PCDHA12: variants seen among roughly 807,000 people sequenced by gnomAD.
PCDHA12 encodes protocadherin alpha 12, also known as protocadherin alpha-12.
Under a neutral mutation model 60.0 loss-of-function variants are expected in PCDHA12, and 44 were observed. The ratio of observed to expected loss-of-function variants is 0.73; its 90% CI spans 0.58 to 0.94. PCDHA12 has a LOEUF of 0.94. PCDHA12 is among the 40% of genes least tolerant of loss of function. The pLI, the probability that PCDHA12 is intolerant of heterozygous loss-of-function variation, is 0.00. For missense variants in PCDHA12, 1,276 were observed against 1,239.7 expected, an observed-to-expected ratio of 1.03 and a Z score of -0.44; for synonymous variants, 569 against 553.0, an observed-to-expected ratio of 1.03 and a Z score of -0.40.
intron 1 of PCDHA12, among the ~76,000 whole-genome samples, chr5:140,909,449 A>G (rs1301796561): frequency 1.3e-5 from 2 of 152,218 alleles, no homozygotes; most frequent in African/African-American, 4.8e-5. Flanking sequence ...GTCATTCTCC[A>G]AGATCCATCT....
At chr5:140,929,122 G>A (rs782041922) in intron 1 of PCDHA12, 24 of 1,614,096 alleles carry the variant, frequency 1.5e-5, no homozygotes, top group Non-Finnish European at 1.8e-5. Flanking sequence ...CACCATAGAT[G>A]TCACTACAGT....
chr5:141,002,917 T>C (rs572461368), intron 3 of PCDHA12, among the ~76,000 whole-genome samples: 1 of 152,310 alleles, frequency 6.6e-6, no homozygotes, highest in East Asian at 1.9e-4. Context: ...ATCAGAAAAG[T>C]GAACACCCTC....
At chr5:140,972,729 T>G (rs574244702) in intron 1 of PCDHA12, among the ~76,000 whole-genome samples, 47 of 147,600 alleles carry the variant, frequency 3.2e-4, no homozygotes, top group African/African-American at 1.1e-3. Context: ...AGTGGCGTAA[T>G]CCCGGCTCAC....
At chr5:140,932,066 G>C (rs1196454003) in intron 1 of PCDHA12, among the ~76,000 whole-genome samples, 1 of 151,752 alleles carries the variant, frequency 6.6e-6, no homozygotes, top group Non-Finnish European at 1.5e-5. Flanking sequence ...AAAATTATCA[G>C]TTTAAGAAAT....
chr5:140,882,120 C>G, intron 1 of PCDHA12: 4 of 1,448,936 alleles, frequency 2.8e-6, no homozygotes. Flanking sequence ...GCCGCCGTTT[C>G]TTTCTTCCTG....
chr5:140,977,464 T>C (rs1245985019), intron 1 of PCDHA12, among the ~76,000 whole-genome samples: 1 of 152,256 alleles, frequency 6.6e-6, no homozygotes, highest in Non-Finnish European at 1.5e-5. Flanking sequence ...TGATTTGGTC[T>C]GTAGATAATT....
Position 140,927,804 on chromosome 5 carries a change from G to T in PCDHA12, c.2367+49965G>T, listed in dbSNP as rs112037348. The T allele has an allele frequency of 8.3e-4, 1,346 of 1,614,160 alleles. 11 individuals carry two copies. The African/African-American group carries it at 0.015, about 18-fold the overall frequency. On this transcript the variant is annotated intron_variant, in intron 1 of 3. Coordinates refer to ENST00000398631, the MANE Select transcript of PCDHA12 (RefSeq NM_018903.4). Reference sequence around the variant, plus strand: ...CTGCTTCACTAGGTCCGCCTGAAACGCTCTTGGAGGCATACATTGAGGCGA... The same window carrying T: ...CTGCTTCACTAGGTCCGCCTGAAACTCTCTTGGAGGCATACATTGAGGCGA...
chr5:141,005,499 C>T (rs1399657712), intron 3 of PCDHA12, among the ~76,000 whole-genome samples: 1 of 151,380 alleles, frequency 6.6e-6, no homozygotes, highest in Non-Finnish European at 1.5e-5. Context: ...GTCAGGAGAT[C>T]GAGACCATCC....
At chr5:140,918,226 T>C (rs528915665) in intron 1 of PCDHA12, among the ~76,000 whole-genome samples, 1 of 152,342 alleles carries the variant, frequency 6.6e-6, no homozygotes, top group African/African-American at 2.4e-5. Context: ...ATGCTGATTT[T>C]TGTACATTGA....
At chr5:140,943,356 A>G (rs965090658) in intron 1 of PCDHA12, among the ~76,000 whole-genome samples, 2 of 152,014 alleles carry the variant, frequency 1.3e-5, no homozygotes, top group Non-Finnish European at 2.9e-5. Flanking sequence ...GAGTAGAGGA[A>G]AGGAGATCAT....
In PCDHA12 at chr5:140,915,351, C is replaced by G. The variant is rs75854979; in HGVS notation, c.2367+37512C>G. Among the ~76,000 whole-genome samples, 843 of 152,202 alleles carry G rather than the reference C, an allele frequency of 5.5e-3. 10 individuals carry two copies. Among genetic ancestry groups the G allele is most frequent in the African/African-American group, 0.019 (796 of 41,530 alleles). On this transcript the variant is annotated intron_variant, in intron 1 of 3. Coordinates refer to ENST00000398631, the MANE Select transcript of PCDHA12 (RefSeq NM_018903.4). ...TAATATTCTGTGTTTTTCTGTATGC[C>G]TATTCTTACCAGTAAGTGTCTCGGC...
At chr5:140,941,381 A>G (rs2093056743) in intron 1 of PCDHA12, among the ~76,000 whole-genome samples, 1 of 128,140 alleles carries the variant, frequency 7.8e-6, no homozygotes, top group Non-Finnish European at 1.6e-5. Context: ...TAGTGACAGG[A>G]TTTTGGCTCA....
At chr5:140,913,993 G>A (rs2076550293) in intron 1 of PCDHA12, among the ~76,000 whole-genome samples, 2 of 152,040 alleles carry the variant, frequency 1.3e-5, no homozygotes, top group South Asian at 4.2e-4. Flanking sequence ...ATTGTGACTA[G>A]CATATGGTCT....
At chr5:140,928,475 G>A (rs369473809) in intron 1 of PCDHA12, 1 of 1,614,136 alleles carries the variant, frequency 6.2e-7, no homozygotes, top group African/African-American at 1.3e-5. Context: ...GTAGAAGGCC[G>A]GGATGGTGGC....
In PCDHA12 at chr5:140,997,052, G is replaced by A. The variant is rs1410360967; in HGVS notation, c.2516-12575G>A. On this transcript the variant is annotated intron_variant, in intron 3 of 3. Transcript: ENST00000398631. ...AAATTAATGAACTTTACTTTTTAGAGCAGTTTTAGGTTCACAGGAAAGTTG... is the reference window on the plus strand; with the variant it reads ...AAATTAATGAACTTTACTTTTTAGAACAGTTTTAGGTTCACAGGAAAGTTG... Among the ~76,000 whole-genome samples, 5 of 152,148 alleles carry A rather than the reference G, an allele frequency of 3.3e-5. No homozygotes were observed. The East Asian group carries it at 9.6e-4, about 29-fold the overall frequency.
intron 1 of PCDHA12, among the ~76,000 whole-genome samples, chr5:140,960,656 G>T (rs553083977): frequency 1.3e-5 from 2 of 152,218 alleles, no homozygotes; most frequent in Admixed American, 1.3e-4. Context: ...CCAAATCAAT[G>T]AATGCTTTGG....
chr5:140,907,789 G>A (rs187759241), intron 1 of PCDHA12, among the ~76,000 whole-genome samples: 1 of 152,330 alleles, frequency 6.6e-6, no homozygotes, highest in Non-Finnish European at 1.5e-5. Flanking sequence ...GCTGGGGAAA[G>A]AGGCTAAGTG....
At chr5:140,907,287 G>C (rs1179027055) in intron 1 of PCDHA12, among the ~76,000 whole-genome samples, 1 of 152,178 alleles carries the variant, frequency 6.6e-6, no homozygotes, top group Non-Finnish European at 1.5e-5. Flanking sequence ...TATCAATCCA[G>C]CTGCTTCAGG....
intron 1 of PCDHA12, among the ~76,000 whole-genome samples, chr5:140,880,546 T>C (rs919094204): frequency 7.9e-5 from 12 of 152,198 alleles, no homozygotes; most frequent in Non-Finnish European, 1.8e-4. Flanking sequence ...GAAAGTGAAC[T>C]GATGGAAATG....
Sources: allele counts gnomAD v4.1 joint callset (sites outside exome capture counted in the v4.1 genomes callset), GRCh38; gene constraint gnomAD v4.1.1; transcripts MANE v1.5; gene names NCBI Gene and HGNC (gene_info 2026-07-23, HGNC 2026-07-21).